Variants in ATF7IP2 observed in about 807,000 individuals in gnomAD.
The protein encoded by ATF7IP2 is activating transcription factor 7 interacting protein 2.
A neutral mutation model predicts 64.2 loss-of-function variants in ATF7IP2; 42 were observed. The observed-to-expected ratio is 0.65, with a 90% CI of 0.51 to 0.85. ATF7IP2 has a LOEUF of 0.85. Among genes scored for constraint, ATF7IP2 ranks in the 40% least tolerant of loss-of-function variants. ATF7IP2 has a pLI of 0.00. For synonymous variants in ATF7IP2, 308 were observed against 272.8 expected (o/e 1.13, Z -1.27); for missense variants, 933 against 784.2 (o/e 1.19, Z -2.27).
chr16:10,404,951 A>G (rs562452164), intron 1 of ATF7IP2, among the ~76,000 whole-genome samples: 1 of 152,332 alleles, frequency 6.6e-6, no homozygotes, highest in East Asian at 1.9e-4. Flanking sequence ...CAACTAGATT[A>G]AGCTTCATAA....
intron 2 of ATF7IP2, among the ~76,000 whole-genome samples, chr16:10,415,240 A>G (rs185904635): frequency 6.6e-6 from 1 of 152,232 alleles, no homozygotes; most frequent in Non-Finnish European, 1.5e-5. Flanking sequence ...CTGCAGAGCT[A>G]TAGTAACTAA....
intron 1 of ATF7IP2, among the ~76,000 whole-genome samples, chr16:10,409,448 T>G (rs1283658312): frequency 6.6e-6 from 1 of 152,152 alleles, no homozygotes; most frequent in Non-Finnish European, 1.5e-5. Context: ...TGATGTTATC[T>G]TCTAGAATTT....
Position 10,473,979 on chromosome 16 carries a change from C to G in ATF7IP2, c.1539C>G (p.Asn513Lys), listed in dbSNP as rs756798372. 4 of 1,583,076 alleles carry G rather than the reference C, an allele frequency of 2.5e-6. No individual in the cohort carries two copies. In the African/African-American group the frequency reaches 4.2e-5, roughly 17 times the overall value. Residue 513 changes from asparagine to lysine, a missense_variant, in exon 12 of 14, where the codon AAC becomes AAG. By Grantham distance (94) the Asn-to-Lys change is moderately conservative (BLOSUM62 0). Coordinates refer to ENST00000562102, the MANE Select transcript of ATF7IP2 (RefSeq NM_001393719.1). ...IIDLTKEGLS[N>K]CNTESPVSPL... The stretch of plus-strand genomic sequence containing the variant: ...ATTTGACAAAAGAAGGCCTATCCAA[C>G]TGCAATACAGGTAAAAGGATTTTTT...
At chr16:10,470,853 ATGTGTG>A (rs34438899) in intron 9 of ATF7IP2, among the ~76,000 whole-genome samples, 2 of 109,440 alleles carry the variant, frequency 1.8e-5, no homozygotes, top group Non-Finnish European at 4.1e-5. Flanking sequence ...GTGTATATAT[ATGTGTG>A]TGTGTGTGTG....
At chr16:10,459,352 C>T (rs2049293515) in intron 9 of ATF7IP2, among the ~76,000 whole-genome samples, 2 of 152,018 alleles carry the variant, frequency 1.3e-5, no homozygotes, top group Admixed American at 1.3e-4. Context: ...CCTGTACTCC[C>T]AGCTACTCAG....
At chr16:10,438,781 G>A (rs951270236) in intron 7 of ATF7IP2, among the ~76,000 whole-genome samples, 4 of 152,256 alleles carry the variant, frequency 2.6e-5, no homozygotes, top group South Asian at 2.1e-4. Context: ...TCGGCCAGGC[G>A]CGATGGCTCA....
chr16:10,450,496 G>T (rs545680078), intron 8 of ATF7IP2, among the ~76,000 whole-genome samples: 1 of 152,286 alleles, frequency 6.6e-6, no homozygotes, highest in African/African-American at 2.4e-5. Flanking sequence ...GAATCTGGGT[G>T]TTCCTGCATT....
intron 1 of ATF7IP2, among the ~76,000 whole-genome samples, chr16:10,408,401 T>C (rs1404657390): frequency 6.6e-6 from 1 of 152,212 alleles, no homozygotes; most frequent in Non-Finnish European, 1.5e-5. Flanking sequence ...TTTTAGTTCT[T>C]TAAGGAGTCG....
intron 8 of ATF7IP2, among the ~76,000 whole-genome samples, chr16:10,442,325 T>C (rs933879870): frequency 1.3e-5 from 2 of 152,372 alleles, no homozygotes; most frequent in South Asian, 2.1e-4. Context: ...TTCAAACTTA[T>C]CTAACATGTC....
chr16:10,386,265 G>A (rs2047201153), intron 1 of ATF7IP2, 143 bp downstream of exon 1: 1 of 152,280 alleles, frequency 6.6e-6, no homozygotes, highest in Non-Finnish European at 1.5e-5. Context: ...AAGCTGCCCT[G>A]ACTGAAAAGC....
rs111884719 is a variant in ATF7IP2 at position 10,419,594 on chromosome 16, G to A, written c.-189G>A. 15 of 153,558 alleles carry A rather than the reference G, an allele frequency of 9.8e-5. No individual in the cohort carries two copies. The highest frequency in any genetic ancestry group is 7.3e-4 in the South Asian group (4 of 5,514). 9.5% of individuals were successfully genotyped at this position (153,558 alleles called of 1,614,324 possible). A position where few individuals can be genotyped will look rare whatever the true frequency, so the allele number is the denominator to read the frequency against. On this transcript the variant is annotated 5_prime_UTR_variant, in exon 3 of 14. Coordinates refer to ENST00000562102, the MANE Select transcript of ATF7IP2 (RefSeq NM_001393719.1). The stretch of plus-strand genomic sequence containing the variant: ...CGCTTTCCTCAGGTTTTCTTCCGCC[G>A]TCTGTGACAGCTTCTTGATCTGTCC...
At chr16:10,424,919 C>T (rs753240467) in intron 3 of ATF7IP2, among the ~76,000 whole-genome samples, 25 of 152,172 alleles carry the variant, frequency 1.6e-4, no homozygotes, top group Non-Finnish European at 2.9e-4. Context: ...TTTTGGGAAA[C>T]AGTCTGGTAG....
Position 10,430,802 on chromosome 16 carries a change from C to T in ATF7IP2, c.182C>T (p.Thr61Met), listed in dbSNP as rs75627261. The change falls in exon 5 of 14, where the codon ACG (threonine) becomes ATG (methionine). Residue 61 changes from threonine to methionine, a missense_variant. Transcript: ENST00000562102. ...QSFSPSVITR[T>M]TEITKCSPSE... ...TTCAGTCCTAGTGTCATAACTAGGA[C>T]GACTGAAATAACCAAATGTAGCCCT... is the stretch of plus-strand genomic sequence containing the variant. 13 of 248,056 alleles carry T rather than the reference C, an allele frequency of 5.2e-5. No homozygotes were observed. The highest frequency in any genetic ancestry group is 7.9e-5 in the South Asian group (1 of 12,624). 15.4% of individuals were successfully genotyped at this position (248,056 alleles called of 1,614,324 possible).
chr16:10,435,778 A>G (rs745977167), intron 6 of ATF7IP2, among the ~76,000 whole-genome samples: 12 of 152,208 alleles, frequency 7.9e-5, no homozygotes, highest in Non-Finnish European at 1.5e-4. Context: ...ACTGTTTAGT[A>G]TACAACTTTC....
chr16:10,396,828 A>ATT (rs1555504238), intron 1 of ATF7IP2, among the ~76,000 whole-genome samples: 14 of 148,272 alleles, frequency 9.4e-5, no homozygotes, highest in African/African-American at 3.2e-4. Flanking sequence ...TAAAAAAAAA[A>ATT]TTTTTTTTTT....
At chr16:10,411,910 T>G (rs1462789282) in intron 1 of ATF7IP2, among the ~76,000 whole-genome samples, 2 of 150,284 alleles carry the variant, frequency 1.3e-5, no homozygotes, top group South Asian at 2.1e-4. Context: ...TATTTGTTTT[T>G]TTTTTTTTCC....
At chr16:10,430,318 G>C (rs1015738434) in intron 4 of ATF7IP2, among the ~76,000 whole-genome samples, 1 of 152,088 alleles carries the variant, frequency 6.6e-6, no homozygotes, top group Admixed American at 6.6e-5. Flanking sequence ...ATAGTGAATG[G>C]TTATAGCACT....
chr16:10,409,186 AGGAAG>A (rs2047702066), intron 1 of ATF7IP2, among the ~76,000 whole-genome samples: 1 of 152,184 alleles, frequency 6.6e-6, no homozygotes, highest in Non-Finnish European at 1.5e-5. Context: ...TTCCCAAATA[AGGAAG>A]GGAAGGGGGA....
chr16:10,443,714 A>G (rs1309068673), intron 8 of ATF7IP2, among the ~76,000 whole-genome samples: 3 of 152,168 alleles, frequency 2.0e-5, no homozygotes, highest in South Asian at 2.1e-4. Context: ...GGAGGTGGAG[A>G]ATGGTGGACA....
Sources: gnomAD v4.1 joint callset for allele counts (sites outside exome capture counted in the v4.1 genomes callset) on GRCh38, gnomAD v4.1.1 for gene constraint, MANE v1.5 for transcripts, NCBI Gene and HGNC (gene_info 2026-07-23, HGNC 2026-07-21) for gene names.